Variants in SLIT2 observed in about 807,000 individuals in gnomAD.
SLIT2 encodes the protein slit guidance ligand 2.
SLIT2 carries 41 observed loss-of-function variants against 185.7 expected under a neutral mutation model. The observed-to-expected ratio is 0.22, with a 90% CI of 0.17 to 0.29. SLIT2 has a LOEUF of 0.29. Ranked by LOEUF, SLIT2 falls within the 10% of genes least tolerant of loss-of-function variation. The pLI is 1.00. For missense variants in SLIT2, 1,571 were observed against 1,909.0 expected, an observed-to-expected ratio of 0.82 and a Z score of 3.30; for synonymous variants, 693 against 680.2, an observed-to-expected ratio of 1.02 and a Z score of -0.29.
chr4:20,318,086 A>G (rs1045449928), intron 4 of SLIT2, among the ~76,000 whole-genome samples: 2 of 152,122 alleles, frequency 1.3e-5, no homozygotes, highest in Non-Finnish European at 2.9e-5. Context: ...TTACATCAGA[A>G]GAATTTTTTC....
chr4:20,301,154 G>A (rs976212888), intron 4 of SLIT2, among the ~76,000 whole-genome samples: 1 of 151,780 alleles, frequency 6.6e-6, no homozygotes, highest in Non-Finnish European at 1.5e-5. Flanking sequence ...TGGTTGATAG[G>A]GAAATCAAAT....
At chr4:20,409,230 GC>G (rs1404660155) in intron 4 of SLIT2, among the ~76,000 whole-genome samples, 1 of 151,934 alleles carries the variant, frequency 6.6e-6, no homozygotes, top group Non-Finnish European at 1.5e-5. Context: ...CTCACTTCTC[GC>G]CCTACAACAG....
At chr4:20,438,344 A>G (rs113522890) in intron 4 of SLIT2, among the ~76,000 whole-genome samples, 5 of 152,300 alleles carry the variant, frequency 3.3e-5, no homozygotes, top group East Asian at 1.9e-4. Context: ...AGGCCTCACA[A>G]TCATGGCAGA....
Position 20,568,956 on chromosome 4 carries a change from G to T in SLIT2, c.3040G>T (p.Val1014Phe), listed in dbSNP as rs756378621. Residue 1014 changes from valine (V) to phenylalanine (F), a missense_variant, in exon 29 of 37, where the codon GTC becomes TTC. Val to Phe is a conservative substitution (Grantham distance 50). This residue lies in a region of SLIT2 where 1,202 missense variants were observed against 1,416.4 expected (regional missense o/e 0.85). Coordinates refer to ENST00000504154, the MANE Select transcript of SLIT2 (RefSeq NM_004787.4). ...TGACTGTGAAAATAATTCTACATGT[G>T]TCGATGGCATTAATAACTACACATG... is the stretch of plus-strand genomic sequence containing the variant. ...DNDCENNSTCVDGINNYTCLC... is the reference protein window; with the variant it reads ...DNDCENNSTCFDGINNYTCLC... 2 of 1,612,512 alleles carry T rather than the reference G, an allele frequency of 1.2e-6. No individual in the cohort carries two copies.
chr4:20,516,775 G>C (rs1471409222), intron 11 of SLIT2, among the ~76,000 whole-genome samples: 1 of 152,080 alleles, frequency 6.6e-6, no homozygotes, highest in Admixed American at 6.5e-5. Flanking sequence ...CTGGAGAAAT[G>C]TCATTCCCAT....
At chr4:20,399,199 G>A (rs1726163418) in intron 4 of SLIT2, among the ~76,000 whole-genome samples, 1 of 151,492 alleles carries the variant, frequency 6.6e-6, no homozygotes, top group Admixed American at 6.6e-5. Flanking sequence ...ATTCTTTTAT[G>A]CTATGGCTGG....
intron 4 of SLIT2, among the ~76,000 whole-genome samples, chr4:20,368,219 C>CAAAAAAAAAAAAAAAA (rs71653879): frequency 6.5e-5 from 7 of 107,412 alleles, no homozygotes; most frequent in Non-Finnish European, 9.3e-5. Context: ...CACAAAATAG[C>CAAAAAAAAAAAAAAAA]AAAAAAAAAA....
intron 4 of SLIT2, among the ~76,000 whole-genome samples, chr4:20,367,349 A>G (rs1486208221): frequency 1.3e-5 from 2 of 152,128 alleles, no homozygotes; most frequent in African/African-American, 4.8e-5. Context: ...AACAAATGGG[A>G]TACATAGTTT....
At chr4:20,442,537 A>G (rs1014614193) in intron 4 of SLIT2, among the ~76,000 whole-genome samples, 26 of 150,886 alleles carry the variant, frequency 1.7e-4, no homozygotes, top group Non-Finnish European at 2.9e-4. Context: ...AAAAAAAAAA[A>G]AAAAAAGGGG....
At chr4:20,502,025 AGG>A in intron 9 of SLIT2, among the ~76,000 whole-genome samples, 2 of 152,302 alleles carry the variant, frequency 1.3e-5, no homozygotes, top group Admixed American at 1.3e-4. Context: ...GAAGTTATTT[AGG>A]TAACATACAT....
At chr4:20,327,164 G>A (rs1380884542) in intron 4 of SLIT2, among the ~76,000 whole-genome samples, 1 of 151,886 alleles carries the variant, frequency 6.6e-6, no homozygotes, top group Non-Finnish European at 1.5e-5. Context: ...CAGAGCTACA[G>A]CTTTTTTCCT....
chr4:20,581,658 C>T (rs1228539731), intron 29 of SLIT2, among the ~76,000 whole-genome samples: 1 of 152,178 alleles, frequency 6.6e-6, no homozygotes, highest in Non-Finnish European at 1.5e-5. Flanking sequence ...CCCACCCCTA[C>T]CCTGTACAAG....
intron 4 of SLIT2, among the ~76,000 whole-genome samples, chr4:20,331,724 C>T (rs1208317658): frequency 6.6e-6 from 1 of 152,076 alleles, no homozygotes; most frequent in Non-Finnish European, 1.5e-5. Context: ...ACCATCACCC[C>T]ATCTCACTTT....
intron 15 of SLIT2, among the ~76,000 whole-genome samples, chr4:20,527,426 A>G (rs1333426094): frequency 6.6e-6 from 1 of 152,030 alleles, no homozygotes; most frequent in Non-Finnish European, 1.5e-5. Flanking sequence ...AGCTGGGACT[A>G]CAGGCGCCCG....
At chr4:20,614,538 G>A (rs897683689) in intron 34 of SLIT2, among the ~76,000 whole-genome samples, 3 of 152,060 alleles carry the variant, frequency 2.0e-5, no homozygotes, top group Non-Finnish European at 2.9e-5. Flanking sequence ...AGCACTTTGG[G>A]AGGCTGAGGC....
At chr4:20,291,900 A>G (rs1344439155) in intron 4 of SLIT2, among the ~76,000 whole-genome samples, 1 of 112,288 alleles carries the variant, frequency 8.9e-6, no homozygotes, top group African/African-American at 3.5e-5. Context: ...GCTCCTGCAC[A>G]CCTCTGTGTG....
At chr4:20,261,145 T>C (rs1323067) in intron 3 of SLIT2, among the ~76,000 whole-genome samples, 102,096 of 151,636 alleles carry the variant, frequency 0.67, 34,478 homozygotes, top group East Asian at 0.81. Flanking sequence ...TCTGTATTGC[T>C]AGTGGTACCT....
At chr4:20,259,810 A>G (rs967747602) in intron 3 of SLIT2, among the ~76,000 whole-genome samples, 1 of 151,792 alleles carries the variant, frequency 6.6e-6, no homozygotes, top group Non-Finnish European at 1.5e-5. Flanking sequence ...GAAAACTAAT[A>G]TATATGCAGG....
chr4:20,331,959 T>G (rs1349140177), intron 4 of SLIT2, among the ~76,000 whole-genome samples: 1 of 152,208 alleles, frequency 6.6e-6, no homozygotes, highest in East Asian at 1.9e-4. Flanking sequence ...GGTAAGTTAT[T>G]CCTTTTTACT....
Sources: allele counts gnomAD v4.1 joint callset (sites outside exome capture counted in the v4.1 genomes callset), GRCh38; gene constraint gnomAD v4.1.1; regional missense constraint gnomAD v4.1.1; transcripts MANE v1.5; gene names NCBI Gene and HGNC (gene_info 2026-07-23, HGNC 2026-07-21).